Variants in PRKN observed in about 807,000 individuals in gnomAD.
PRKN encodes the protein E3 ubiquitin-protein ligase parkin.
PRKN carries 56 observed loss-of-function variants against 59.5 expected under a neutral mutation model. The observed-to-expected ratio is 0.94, with a 90% CI of 0.76 to 1.18. PRKN has a LOEUF of 1.18. PRKN is among the 50% of genes most tolerant of loss of function. PRKN has a pLI of 0.00. For synonymous variants in PRKN, 250 were observed against 222.1 expected, an observed-to-expected ratio of 1.13 and a Z score of -1.12; for missense variants, 657 against 596.4, an observed-to-expected ratio of 1.10 and a Z score of -1.06.
At chr6:162,501,689 T>C (rs1793384350) in intron 1 of PRKN, among the ~76,000 whole-genome samples, 1 of 152,140 alleles carries the variant, frequency 6.6e-6, no homozygotes, top group African/African-American at 2.4e-5. Flanking sequence ...GACTCTGGAA[T>C]ATGTTTACAA....
At chr6:161,367,925 T>C (rs1398977074) in intron 10 of PRKN, among the ~76,000 whole-genome samples, 1 of 152,090 alleles carries the variant, frequency 6.6e-6, no homozygotes, top group Non-Finnish European at 1.5e-5. Context: ...GAAAACTAAA[T>C]AACTTCAGAC....
At chr6:162,705,948 T>C (rs904450760) in intron 1 of PRKN, among the ~76,000 whole-genome samples, 4 of 151,942 alleles carry the variant, frequency 2.6e-5, no homozygotes, top group African/African-American at 9.7e-5. Flanking sequence ...AGAGAGCAGG[T>C]AGAGAATAGG....
rs1790708950 is a variant in PRKN at position 161,470,085 on chromosome 6, G to A, written c.1083+78769C>T. 6.6e-6 allele frequency among the ~76,000 whole-genome samples: 1 copy of A among 152,104 alleles called. No individual in the cohort carries two copies. The highest frequency in any genetic ancestry group is 2.1e-4 in the South Asian group (1 of 4,820). ...CTTAAAAAACACCCATTTAATAGAA[G>A]AGGAAAGTGAGCCACAGAGAAGTTA... On this transcript the variant is annotated intron_variant, in intron 9 of 11. Coordinates refer to ENST00000366898, the MANE Select transcript of PRKN (RefSeq NM_004562.3). The surrounding 1 kb of genome is among the most constrained non-coding windows in gnomAD (Gnocchi z 5.1).
chr6:162,216,293 G>C (rs1754124620), intron 3 of PRKN, among the ~76,000 whole-genome samples: 1 of 151,952 alleles, frequency 6.6e-6, no homozygotes, highest in African/African-American at 2.4e-5. Context: ...CACTTTGGGA[G>C]GCCGAGGCGG....
chr6:162,609,199 T>G (rs934560667), intron 1 of PRKN, among the ~76,000 whole-genome samples: 1 of 152,138 alleles, frequency 6.6e-6, no homozygotes, highest in Non-Finnish European at 1.5e-5. Context: ...CTCAGGGTCA[T>G]GCATTTAGGA....
At chr6:161,663,752 T>G (rs1265162552) in intron 7 of PRKN, among the ~76,000 whole-genome samples, 3 of 152,222 alleles carry the variant, frequency 2.0e-5, no homozygotes, top group African/African-American at 7.2e-5. Context: ...TAAGTTAAAC[T>G]CTTTCCTTCT....
chr6:161,417,230 T>A lies in PRKN; in HGVS notation c.1084-30353A>T, dbSNP rs954791359. 1.3e-5 allele frequency among the ~76,000 whole-genome samples: 2 copies of A among 152,076 alleles called. No individual in the cohort carries two copies. The highest frequency in any genetic ancestry group is 4.8e-5 in the African/African-American group (2 of 41,394). ...ACTTTGGGAGGCCGAGGCTGCCAAA[T>A]CACGAGGTCAAGAGATCAAGACCAT... On this transcript the variant is annotated intron_variant, in intron 9 of 11. Coordinates refer to ENST00000366898, the MANE Select transcript of PRKN (RefSeq NM_004562.3). This position sits in a 1 kb window ranked among gnomAD's most constrained non-coding sequence, Gnocchi z 5.4.
chr6:162,430,170 C>T (rs73783531), intron 2 of PRKN, among the ~76,000 whole-genome samples: 24 of 141,538 alleles, frequency 1.7e-4, no homozygotes, highest in African/African-American at 5.6e-4. Context: ...ACGACGACGA[C>T]GACGATGATG....
At chr6:162,108,801 A>T (rs1018215536) in intron 4 of PRKN, among the ~76,000 whole-genome samples, 3 of 152,198 alleles carry the variant, frequency 2.0e-5, no homozygotes, top group Non-Finnish European at 4.4e-5. Flanking sequence ...AGATTTAATC[A>T]CCATCACAGG....
rs34838356 is a variant in PRKN at position 162,414,726 on chromosome 6, A to AAAAAAAAAAAAAAAAAAAAGT, written c.171+28583_171+28584insACTTTTTTTTTTTTTTTTTTT. Among the ~76,000 whole-genome samples the AAAAAAAAAAAAAAAAAAAAGT allele has an allele frequency of 3.0e-3, 278 of 91,814 alleles. 51 individuals carry two copies. Among genetic ancestry groups the AAAAAAAAAAAAAAAAAAAAGT allele is most frequent in the Non-Finnish European group, 3.7e-3 (179 of 47,922 alleles). The allele number at this position is 91,814 out of a possible 152,430, so 60.2% of individuals were successfully genotyped here. A position where few individuals can be genotyped will look rare whatever the true frequency, so the allele number is the denominator to read the frequency against. On this transcript the variant is annotated intron_variant, in intron 2 of 11. Coordinates refer to ENST00000366898, the MANE Select transcript of PRKN (RefSeq NM_004562.3). ...ACTCCGTCTCAAAAAAAAAAAAAAA[A>AAAAAAAAAAAAAAAAAAAAGT]AGTGAATCTTTGAAGTTTTAAAATA...
intron 7 of PRKN, among the ~76,000 whole-genome samples, chr6:161,632,206 G>A (rs538157804): frequency 5.0e-4 from 76 of 152,232 alleles, no homozygotes; most frequent in African/African-American, 1.7e-3. Context: ...TTTAATGATA[G>A]TCACAGCGTC....
At chr6:161,757,821 G>A (rs1168553503) in intron 7 of PRKN, among the ~76,000 whole-genome samples, 2 of 60,814 alleles carry the variant, frequency 3.3e-5, no homozygotes, top group Admixed American at 1.6e-4. Context: ...CTGGGCAATA[G>A]AGCAAAACTC....
At chr6:162,303,567 C>T (rs1782066654) in intron 2 of PRKN, among the ~76,000 whole-genome samples, 1 of 151,826 alleles carries the variant, frequency 6.6e-6, no homozygotes, top group African/African-American at 2.4e-5. Context: ...TGATGAGATG[C>T]TTTTTCATTG....
intron 5 of PRKN, among the ~76,000 whole-genome samples, chr6:162,026,797 A>C (rs1284921531): frequency 6.6e-6 from 1 of 152,170 alleles, no homozygotes. Flanking sequence ...TCACATGAAG[A>C]GCAAATTATT....
intron 7 of PRKN, among the ~76,000 whole-genome samples, chr6:161,700,539 G>A (rs920572925): frequency 6.6e-6 from 1 of 152,154 alleles, no homozygotes; most frequent in Non-Finnish European, 1.5e-5. Context: ...AGGTAATGGG[G>A]TTAGCTGTTG....
chr6:161,424,205 T>C (rs1165361303), intron 9 of PRKN, among the ~76,000 whole-genome samples: 1 of 151,842 alleles, frequency 6.6e-6, no homozygotes, highest in African/African-American at 2.4e-5. Context: ...GGCATGATGG[T>C]GGGTGCCTGT....
At chr6:161,856,996 G>T (rs1045080281) in intron 6 of PRKN, among the ~76,000 whole-genome samples, 2 of 53,928 alleles carry the variant, frequency 3.7e-5, no homozygotes, top group Admixed American at 3.4e-4. Context: ...TTGGGAGGCT[G>T]AGGCAGGTGG....
chr6:162,171,659 C>T (rs11969427), intron 4 of PRKN, among the ~76,000 whole-genome samples: 3,555 of 152,230 alleles, frequency 0.023, 149 homozygotes, highest in African/African-American at 0.081. Context: ...ACAGACCTCT[C>T]ATCCTACAAG....
chr6:161,439,723 G>A lies in PRKN; in HGVS notation c.1084-52846C>T, dbSNP rs139344496. 6.8e-3 allele frequency among the ~76,000 whole-genome samples: 1,037 copies of A among 152,110 alleles called. 14 individuals are homozygous for A. Among genetic ancestry groups the A allele is most frequent in the African/African-American group, 0.024 (984 of 41,482 alleles). On this transcript the variant is annotated intron_variant, in intron 9 of 11. Coordinates refer to ENST00000366898, the MANE Select transcript of PRKN (RefSeq NM_004562.3). Reference sequence around the variant, plus strand: ...GCTAGATTTTTTTTTATTGCTTACTGCGCATCTGAACGTAATTCTTGCCAT... The same window carrying A: ...GCTAGATTTTTTTTTATTGCTTACTACGCATCTGAACGTAATTCTTGCCAT...
Sources: allele counts gnomAD v4.1 joint callset (sites outside exome capture counted in the v4.1 genomes callset), GRCh38; gene constraint gnomAD v4.1.1; non-coding constraint Gnocchi (gnomAD v3.1); transcripts MANE v1.5; gene names NCBI Gene and HGNC (gene_info 2026-07-23, HGNC 2026-07-21).